The following NKAIN3 variants were observed in gnomAD, a reference collection of about 807,000 sequenced individuals.
NKAIN3 encodes sodium/potassium transporting ATPase interacting 3, also known as sodium/potassium-transporting ATPase subunit beta-1-interacting protein 3.
NKAIN3 carries 25 observed loss-of-function variants against 30.2 expected under a neutral mutation model. That is an observed-to-expected ratio of 0.83 (90% confidence interval 0.60 to 1.16). The LOEUF is 1.16. Among genes scored for constraint, NKAIN3 ranks in the 50% most tolerant of loss-of-function variants. The probability of loss-of-function intolerance (pLI) is 0.00; values close to 1 mark genes in which losing one functional copy is unlikely to be tolerated. For missense variants in NKAIN3, 225 were observed against 254.1 expected, an observed-to-expected ratio of 0.89 and a Z score of 0.78; for synonymous variants, 91 against 89.6, an observed-to-expected ratio of 1.02 and a Z score of -0.09.
intron 3 of NKAIN3, among the ~76,000 whole-genome samples, chr8:62,600,428 A>G (rs1452503561): frequency 6.6e-6 from 1 of 152,004 alleles, no homozygotes; most frequent in Non-Finnish European, 1.5e-5. Flanking sequence ...GCTTCCCATC[A>G]GTTTTTTTCC....
rs565380266 is a variant in NKAIN3, at chr8:62,442,283, G to A, written c.55-137256G>A. 4.6e-5 allele frequency among the ~76,000 whole-genome samples: 7 copies of A among 151,918 alleles called. No homozygotes were observed. In the South Asian group the frequency reaches 1.5e-3, roughly 32 times the overall value. On this transcript the variant is annotated intron_variant, in intron 1 of 6. Transcript: ENST00000623646. ...TTAATTTATATTTCAATTTTTAATAGTCATTGTCTATTCATTAGGCTAATA... is the reference window on the plus strand; with the variant it reads ...TTAATTTATATTTCAATTTTTAATAATCATTGTCTATTCATTAGGCTAATA...
intron 4 of NKAIN3, among the ~76,000 whole-genome samples, chr8:62,793,480 C>T (rs1039068794): frequency 1.7e-4 from 26 of 152,114 alleles, no homozygotes; most frequent in African/African-American, 6.3e-4. Context: ...AAGGATGAAT[C>T]TCATTGGTTC....
chr8:62,589,505 T>C (rs1026697318), intron 2 of NKAIN3, among the ~76,000 whole-genome samples: 1 of 151,730 alleles, frequency 6.6e-6, no homozygotes, highest in Non-Finnish European at 1.5e-5. Flanking sequence ...TCTAACTTTG[T>C]TGGTGTCTAC....
intron 4 of NKAIN3, among the ~76,000 whole-genome samples, chr8:62,761,341 G>A (rs376261796): frequency 1.6e-3 from 248 of 152,170 alleles, no homozygotes; most frequent in Non-Finnish European, 2.1e-3. Flanking sequence ...CTGGGGAGGT[G>A]GGGGAGGACG....
At chr8:62,298,603 C>G (rs1168164773) in intron 1 of NKAIN3, among the ~76,000 whole-genome samples, 1 of 152,096 alleles carries the variant, frequency 6.6e-6, no homozygotes, top group Non-Finnish European at 1.5e-5. Context: ...GTCCCATGTT[C>G]TTTCTATCAG....
At chr8:62,410,652 AAG>A (rs2129595839) in intron 1 of NKAIN3, among the ~76,000 whole-genome samples, 1 of 152,310 alleles carries the variant, frequency 6.6e-6, no homozygotes, top group African/African-American at 2.4e-5. Flanking sequence ...AGATCCAAAT[AAG>A]TGCAATCAGA....
intron 1 of NKAIN3, among the ~76,000 whole-genome samples, chr8:62,520,990 C>T (rs1053672271): frequency 2.6e-5 from 4 of 151,276 alleles, no homozygotes; most frequent in African/African-American, 9.7e-5. Context: ...TTAGAGGGGC[C>T]CTTCTCCATC....
intron 1 of NKAIN3, among the ~76,000 whole-genome samples, chr8:62,379,151 ACATGGG>A (rs1817188670): frequency 6.6e-6 from 1 of 152,246 alleles, no homozygotes; most frequent in Non-Finnish European, 1.5e-5. Flanking sequence ...TTTTGGACTT[ACATGGG>A]GCCTGTAGCC....
At chr8:62,745,347 C>A (rs1215223692) in intron 3 of NKAIN3, among the ~76,000 whole-genome samples, 1 of 152,180 alleles carries the variant, frequency 6.6e-6, no homozygotes. Context: ...TCCAACATGG[C>A]CCCCTGGCAC....
chr8:62,758,523 G>A (rs1816533413), intron 4 of NKAIN3, among the ~76,000 whole-genome samples: 1 of 152,072 alleles, frequency 6.6e-6, no homozygotes, highest in Non-Finnish European at 1.5e-5. Flanking sequence ...ATAATTAAAA[G>A]TATAACTGCA....
chr8:62,488,929 C>G (rs535899739), intron 1 of NKAIN3, among the ~76,000 whole-genome samples: 5 of 152,250 alleles, frequency 3.3e-5, no homozygotes, highest in African/African-American at 1.2e-4. Flanking sequence ...TAGCTTCCAC[C>G]TATTCATATT....
At position 62,971,429 on chromosome 8, in the gene NKAIN3, G is replaced by A. The variant is rs2883147; in HGVS notation, c.*6022G>A. Among the ~76,000 whole-genome samples the A allele has an allele frequency of 0.036, 5,437 of 152,186 alleles. 340 individuals carry two copies. Among genetic ancestry groups the A allele is most frequent in the African/African-American group, 0.12 (5,138 of 41,508 alleles). ...AGGCGTGCAGATCACTTGAGCTTAC[G>A]AGTTCGAGACCAGCCTGAGCAACAT... On this transcript the variant is annotated 3_prime_UTR_variant, in exon 7 of 7. Coordinates refer to ENST00000623646, the MANE Select transcript of NKAIN3 (RefSeq NM_001304533.3).
chr8:62,671,868 C>T (rs987461753), intron 3 of NKAIN3, among the ~76,000 whole-genome samples: 8 of 151,996 alleles, frequency 5.3e-5, no homozygotes, highest in Non-Finnish European at 1.0e-4. Context: ...ACCCACATAT[C>T]ATCTATAGGA....
intron 1 of NKAIN3, among the ~76,000 whole-genome samples, chr8:62,357,593 C>G (rs1445614174): frequency 6.6e-6 from 1 of 151,992 alleles, no homozygotes; most frequent in African/African-American, 2.4e-5. Flanking sequence ...TTTTGTTTGG[C>G]AAAACATCTG....
Position 62,522,294 on chromosome 8 carries a change from G to GT in NKAIN3, c.55-57242dup, listed in dbSNP as rs547887824. 7.4e-4 allele frequency among the ~76,000 whole-genome samples: 113 copies of GT among 152,198 alleles called. 1 individual carries two copies. In the Middle Eastern group the frequency reaches 0.014, roughly 18 times the overall value. On this transcript the variant is annotated intron_variant, in intron 1 of 6. Transcript: ENST00000623646. ...TCATGGCACAACGCATTACTCATGTGTTTGTGGTGATGCTGGCATAAACAA... is the reference window on the plus strand; with the variant it reads ...TCATGGCACAACGCATTACTCATGTGTTTTGTGGTGATGCTGGCATAAACAA...
intron 4 of NKAIN3, among the ~76,000 whole-genome samples, chr8:62,864,612 C>T (rs886825397): frequency 6.6e-6 from 1 of 152,104 alleles, no homozygotes; most frequent in African/African-American, 2.4e-5. Flanking sequence ...AGTTTTCCAC[C>T]TCGTTGTTTT....
intron 4 of NKAIN3, among the ~76,000 whole-genome samples, chr8:62,788,186 G>A (rs373665571): frequency 3.0e-4 from 46 of 152,050 alleles, no homozygotes; most frequent in Admixed American, 2.6e-4. Flanking sequence ...TCTCCACATC[G>A]TCTCCAGCAC....
rs577886006 is a variant in NKAIN3 at position 62,870,288 on chromosome 8, A to G, written c.472-48165A>G. ...TATATATAGATATATATAAATATCT[A>G]TAGATATATATACATCTATATATAG... is the stretch of plus-strand genomic sequence containing the variant. On this transcript the variant is annotated intron_variant, in intron 4 of 6. Coordinates refer to ENST00000623646, the MANE Select transcript of NKAIN3 (RefSeq NM_001304533.3). 1.3e-3 allele frequency among the ~76,000 whole-genome samples: 107 copies of G among 84,520 alleles called. 1 individual carries two copies. The highest frequency in any genetic ancestry group is 3.2e-3 in the African/African-American group (64 of 19,694). The allele number at this position is 84,520 out of a possible 152,430, so 55.4% of individuals were successfully genotyped here. A position where few individuals can be genotyped will look rare whatever the true frequency, so the allele number is the denominator to read the frequency against.
chr8:62,740,542 A>C (rs908556677), intron 3 of NKAIN3, among the ~76,000 whole-genome samples: 63 of 152,114 alleles, frequency 4.1e-4, no homozygotes, highest in African/African-American at 1.3e-3. Flanking sequence ...ACACATACCC[A>C]AAAAAAGGAG....
Sources: gnomAD v4.1 joint callset for allele counts (sites outside exome capture counted in the v4.1 genomes callset) on GRCh38, gnomAD v4.1.1 for gene constraint, MANE v1.5 for transcripts, NCBI Gene and HGNC (gene_info 2026-07-23, HGNC 2026-07-21) for gene names.